LHFPL3: variants seen among roughly 807,000 people sequenced by gnomAD.
The protein encoded by LHFPL3 is LHFPL tetraspan subfamily member 3 protein.
Under a neutral mutation model 19.3 loss-of-function variants are expected in LHFPL3, and 5 were observed. The ratio of observed to expected loss-of-function variants is 0.26; its 90% CI spans 0.14 to 0.54. The LOEUF is 0.54. Among genes scored for constraint, LHFPL3 ranks in the 20% least tolerant of loss-of-function variants. LHFPL3 has a pLI of 0.94. For synonymous variants in LHFPL3, 133 were observed against 126.2 expected, an observed-to-expected ratio of 1.05 and a Z score of -0.36; for missense variants, 249 against 307.4, an observed-to-expected ratio of 0.81 and a Z score of 1.42.
chr7:104,542,477 G>C (rs546826713), intron 1 of LHFPL3, among the ~76,000 whole-genome samples: 1 of 152,118 alleles, frequency 6.6e-6, no homozygotes, highest in Non-Finnish European at 1.5e-5. Flanking sequence ...CCTTGTCACA[G>C]ACTGGGGCTG....
At chr7:104,389,466 A>G (rs1031454748) in intron 1 of LHFPL3, among the ~76,000 whole-genome samples, 4 of 152,174 alleles carry the variant, frequency 2.6e-5, no homozygotes, top group Non-Finnish European at 5.9e-5. Flanking sequence ...GACTCAATGC[A>G]ACCCCTATCC....
At chr7:104,572,713 A>G (rs1047212410) in intron 1 of LHFPL3, among the ~76,000 whole-genome samples, 1 of 152,188 alleles carries the variant, frequency 6.6e-6, no homozygotes, top group South Asian at 2.1e-4. Flanking sequence ...TTCTATAGGG[A>G]CTAAAGTAGG....
intron 2 of LHFPL3, among the ~76,000 whole-genome samples, chr7:104,828,135 C>T (rs745519257): frequency 3.9e-5 from 6 of 151,966 alleles, no homozygotes; most frequent in African/African-American, 7.3e-5. Context: ...GGACCCTCTC[C>T]AGCTCACTCC....
chr7:104,861,011 A>G (rs1437669698), intron 2 of LHFPL3, among the ~76,000 whole-genome samples: 2 of 152,216 alleles, frequency 1.3e-5, no homozygotes, highest in African/African-American at 4.8e-5. Context: ...CCACTGTCGC[A>G]TGCAATTAGG....
intron 1 of LHFPL3, among the ~76,000 whole-genome samples, chr7:104,615,470 G>T (rs1791314366): frequency 6.6e-6 from 1 of 152,180 alleles, no homozygotes; most frequent in Non-Finnish European, 1.5e-5. Flanking sequence ...ATTATTTGCA[G>T]AAGCTGAAAC....
intron 1 of LHFPL3, among the ~76,000 whole-genome samples, chr7:104,727,500 C>A (rs1013718355): frequency 6.6e-6 from 1 of 152,006 alleles, no homozygotes; most frequent in Non-Finnish European, 1.5e-5. Flanking sequence ...CTTCAGAAAG[C>A]GTATAATCTC....
chr7:104,752,460 C>T lies in LHFPL3; in HGVS notation c.682+15549C>T, dbSNP rs574116641. The stretch of plus-strand genomic sequence containing the variant: ...CATACTGTAAGTGGAATGATATTAC[C>T]CTTCCTACCTGCTTGTTTTAGTTCC... On this transcript the variant is annotated intron_variant, in intron 2 of 2. Transcript: ENST00000424859. 7.6e-4 allele frequency among the ~76,000 whole-genome samples: 110 copies of T among 144,220 alleles called. 2 individuals carry two copies. In the South Asian group the frequency reaches 0.016, roughly 21 times the overall value. The allele number at this position is 144,220 out of a possible 152,430, so 94.6% of individuals were successfully genotyped here.
intron 1 of LHFPL3, chr7:104,622,910 T>C (rs1056152816): frequency 1.4e-4 from 33 of 236,218 alleles, no homozygotes; most frequent in African/African-American, 7.4e-4. Flanking sequence ...AGCTGCACCA[T>C]TTTACATTCC....
intron 1 of LHFPL3, among the ~76,000 whole-genome samples, chr7:104,694,543 G>T (rs540017335): frequency 2.9e-4 from 44 of 152,232 alleles, no homozygotes; most frequent in African/African-American, 9.6e-4. Flanking sequence ...TCTGGGAATG[G>T]AAATGGTAAT....
intron 1 of LHFPL3, among the ~76,000 whole-genome samples, chr7:104,580,198 T>C (rs1403065986): frequency 1.3e-5 from 2 of 152,190 alleles, no homozygotes; most frequent in Non-Finnish European, 2.9e-5. Flanking sequence ...ACCATTCAGG[T>C]TCCCTCTGGA....
At chr7:104,667,272 G>GGGA in intron 1 of LHFPL3, among the ~76,000 whole-genome samples, 1 of 151,502 alleles carries the variant, frequency 6.6e-6, no homozygotes, top group South Asian at 2.1e-4. Flanking sequence ...CTTGGGGGGG[G>GGGA]GAATCTTTAA....
chr7:104,877,882 C>T (rs1236760605), intron 2 of LHFPL3, among the ~76,000 whole-genome samples: 2 of 151,394 alleles, frequency 1.3e-5, no homozygotes, highest in African/African-American at 2.4e-5. Context: ...CACCCAGGCT[C>T]GAGTGCAGTG....
chr7:104,493,529 A>G (rs1793398633), intron 1 of LHFPL3, among the ~76,000 whole-genome samples: 1 of 151,948 alleles, frequency 6.6e-6, no homozygotes, highest in Non-Finnish European at 1.5e-5. Context: ...TTCAAAACTG[A>G]GTCCACTAAC....
chr7:104,617,319 T>C (rs2115784053), intron 1 of LHFPL3, among the ~76,000 whole-genome samples: 1 of 152,276 alleles, frequency 6.6e-6, no homozygotes, highest in South Asian at 2.1e-4. Flanking sequence ...TTTTCATGCA[T>C]GACTTGAAAT....
chr7:104,399,975 A>T lies in LHFPL3; in HGVS notation c.445+70751A>T, dbSNP rs1311601167. 2.0e-5 allele frequency among the ~76,000 whole-genome samples: 3 copies of T among 151,274 alleles called. No individual in the cohort carries two copies. The highest frequency in any genetic ancestry group is 7.3e-5 in the African/African-American group (3 of 41,256). On this transcript the variant is annotated intron_variant, in intron 1 of 2. Coordinates refer to ENST00000424859, the MANE Select transcript of LHFPL3 (RefSeq NM_199000.3). The surrounding 1 kb of genome is among the most constrained non-coding windows in gnomAD (Gnocchi z 4.4). ...AAAAATTAGCTGGGCATGGTGGCAGATGCCTGTAATCCCAGCTACCCGGGA... is the reference window on the plus strand; with the variant it reads ...AAAAATTAGCTGGGCATGGTGGCAGTTGCCTGTAATCCCAGCTACCCGGGA...
At position 104,736,738 on chromosome 7, in the gene LHFPL3, G is replaced by A. The variant is rs775869711; in HGVS notation, c.509G>A (p.Arg170Gln). The A allele has an allele frequency of 6.8e-6, 11 of 1,613,560 alleles. No individual in the cohort carries two copies. The highest frequency in any genetic ancestry group is 5.0e-5 in the Admixed American group (3 of 59,958). The change falls in exon 2 of 3, where the codon CGG becomes CAG. Residue 170 changes from arginine (R) to glutamine (Q), a missense_variant. Coordinates refer to ENST00000424859, the MANE Select transcript of LHFPL3 (RefSeq NM_199000.3). ...GGCTGGGACTCAGATGAAGTAAAAC[G>A]GATGTGTGGAGAAAAGACAGACAAG... The part of the protein sequence containing the change: ...PDGWDSDEVK[R>Q]MCGEKTDKYT...
intron 1 of LHFPL3, among the ~76,000 whole-genome samples, chr7:104,501,577 G>A (rs889292771): frequency 6.6e-6 from 1 of 152,158 alleles, no homozygotes; most frequent in African/African-American, 2.4e-5. Context: ...GAGTCATACT[G>A]ATAGTCACTC....
Position 104,425,889 on chromosome 7 carries a change from T to G in LHFPL3, c.445+96665T>G, listed in dbSNP as rs116461530. Among the ~76,000 whole-genome samples the G allele has an allele frequency of 7.0e-3, 1,064 of 152,268 alleles. 9 individuals are homozygous for G. Among genetic ancestry groups the G allele is most frequent in the African/African-American group, 0.024 (1,016 of 41,548 alleles). The stretch of plus-strand genomic sequence containing the variant: ...TCTGTTGCTTATGAAATAGAAAAGT[T>G]CTTATCCTTTCCCAAGTCTCCCCTA... On this transcript the variant is annotated intron_variant, in intron 1 of 2. Transcript: ENST00000424859.
intron 2 of LHFPL3, among the ~76,000 whole-genome samples, chr7:104,870,849 T>C (rs150818693): frequency 4.2e-4 from 64 of 152,192 alleles, no homozygotes; most frequent in African/African-American, 1.5e-3. Flanking sequence ...AAAGGATGTA[T>C]AGCATCCTCC....
Sources: allele counts gnomAD v4.1 joint callset (sites outside exome capture counted in the v4.1 genomes callset), GRCh38; gene constraint gnomAD v4.1.1; non-coding constraint Gnocchi (gnomAD v3.1); transcripts MANE v1.5; gene names NCBI Gene and HGNC (gene_info 2026-07-23, HGNC 2026-07-21).